The following PIAS1 variants were observed in gnomAD, a reference collection of about 807,000 sequenced individuals.
The protein encoded by PIAS1 is protein inhibitor of activated STAT 1.
PIAS1 carries 6 observed loss-of-function variants against 71.3 expected under a neutral mutation model. That is an observed-to-expected ratio of 0.08 (90% confidence interval 0.05 to 0.17). The LOEUF (loss-of-function observed/expected upper bound fraction) is 0.17. Ranked by LOEUF, PIAS1 falls within the 10% of genes least tolerant of loss-of-function variation. The pLI is 1.00. For synonymous variants in PIAS1, 303 were observed against 292.9 expected (o/e 1.03, Z -0.35); for missense variants, 555 against 793.6 (o/e 0.70, Z 3.61).
At position 68,075,062 on chromosome 15, in the gene PIAS1, T is replaced by TTTTCTTTC. The variant is rs201513005; in HGVS notation, c.25-11232_25-11225dup. Among the ~76,000 whole-genome samples, 10 of 139,084 alleles carry TTTTCTTTC rather than the reference T, an allele frequency of 7.2e-5. 1 individual carries two copies. Among genetic ancestry groups the TTTTCTTTC allele is most frequent in the Middle Eastern group, 4.1e-3 (1 of 246 alleles). The allele number at this position is 139,084 out of a possible 152,430, so 91.2% of individuals were successfully genotyped here. Reference sequence around the variant, plus strand: ...GAATTTTTGAAAGAAAATAAAAACATTTTCTTTCTTTCTTTCTTTTTTTTT... The same window carrying TTTTCTTTC: ...GAATTTTTGAAAGAAAATAAAAACATTTTCTTTCTTTCTTTCTTTCTTTCTTTTTTTTT... On this transcript the variant is annotated intron_variant, in intron 1 of 13. Transcript: ENST00000249636.
At chr15:68,150,705 T>A (rs2092838084) in intron 6 of PIAS1, among the ~76,000 whole-genome samples, 1 of 152,194 alleles carries the variant, frequency 6.6e-6, no homozygotes, top group Non-Finnish European at 1.5e-5. Flanking sequence ...AGAAATTATT[T>A]AGATGTAGGT....
chr15:68,149,145 A>C (rs1035490812), intron 6 of PIAS1, among the ~76,000 whole-genome samples: 1 of 152,048 alleles, frequency 6.6e-6, no homozygotes, highest in African/African-American at 2.4e-5. Flanking sequence ...GATGGAGAAA[A>C]TTATGAATTT....
At chr15:68,077,505 G>T (rs1468027444) in intron 1 of PIAS1, among the ~76,000 whole-genome samples, 1 of 152,230 alleles carries the variant, frequency 6.6e-6, no homozygotes, top group Admixed American at 6.5e-5. Flanking sequence ...ACTTTAAAGG[G>T]AACTTTCAAT....
rs2092284381 is a variant in PIAS1, at chr15:68,086,576, T to C, written c.295T>C (p.Tyr99His). ...TCCATCTACCATTCCACAACTCACT[T>C]ACGATGGTCACCCTGCATCATCGCC... is the stretch of plus-strand genomic sequence containing the variant. Reference protein sequence around the residue: ...LSPSTIPQLTYDGHPASSPLL... With the variant: ...LSPSTIPQLTHDGHPASSPLL... Residue 99 changes from tyrosine to histidine, a missense_variant, in exon 2 of 14, where the codon TAC becomes CAC. Coordinates refer to ENST00000249636, the MANE Select transcript of PIAS1 (RefSeq NM_016166.3). The surrounding 1 kb of genome is among the most constrained non-coding windows in gnomAD (Gnocchi z 7.2). The C allele has an allele frequency of 1.9e-6, 3 of 1,613,950 alleles. No individual in the cohort carries two copies. The highest frequency in any genetic ancestry group is 2.5e-6 in the Non-Finnish European group (3 of 1,179,864).
Position 68,184,234 on chromosome 15 carries a change from G to A in PIAS1, c.1662+567G>A, listed in dbSNP as rs117483368. ...GGAAAAAAATTAAGTGATTAAGGAC[G>A]ATGAAAGTGGAAGATCAGTGATAGT... On this transcript the variant is annotated intron_variant, in intron 13 of 13. Transcript: ENST00000249636. 7.0e-3 allele frequency: 1,062 copies of A among 152,374 alleles called. 7 individuals carry two copies. The highest frequency in any genetic ancestry group is 0.012 in the Non-Finnish European group (822 of 68,124). The allele number at this position is 152,374 out of a possible 1,614,324, so 9.4% of individuals were successfully genotyped here. A position where few individuals can be genotyped will look rare whatever the true frequency, so the allele number is the denominator to read the frequency against.
intron 12 of PIAS1, chr15:68,181,587 C>A: frequency 2.3e-6 from 1 of 425,780 alleles, no homozygotes; most frequent in Non-Finnish European, 4.3e-6. Context: ...GTGCAATAAT[C>A]TTTAGTTTTT....
Position 68,182,490 on chromosome 15 carries a change from C to CGTGTGTGTGTGTGTGTGTGTGTGT in PIAS1, c.1625-1137_1625-1114dup, listed in dbSNP as rs67774530. On this transcript the variant is annotated intron_variant, in intron 12 of 13. Coordinates refer to ENST00000249636, the MANE Select transcript of PIAS1 (RefSeq NM_016166.3). ...AGTTTTGCTCTTATTGCTCAGGCTG[C>CGTGTGTGTGTGTGTGTGTGTGTGT]GTGTGTGTGTGTGTGTGTGTGTGTG... Among the ~76,000 whole-genome samples, 102 of 123,354 alleles carry CGTGTGTGTGTGTGTGTGTGTGTGT rather than the reference C, an allele frequency of 8.3e-4. 9 individuals carry two copies. Among genetic ancestry groups the CGTGTGTGTGTGTGTGTGTGTGTGT allele is most frequent in the Admixed American group, 1.5e-3 (18 of 12,172 alleles). 80.9% of individuals were successfully genotyped at this position (123,354 alleles called of 152,430 possible). A position where few individuals can be genotyped will look rare whatever the true frequency, so the allele number is the denominator to read the frequency against.
At chr15:68,079,979 T>C (rs1000521915) in intron 1 of PIAS1, among the ~76,000 whole-genome samples, 10 of 152,044 alleles carry the variant, frequency 6.6e-5, no homozygotes, top group African/African-American at 2.4e-4. Flanking sequence ...ATTACAGGCA[T>C]GCACCACCAT....
intron 1 of PIAS1, among the ~76,000 whole-genome samples, chr15:68,059,882 G>T (rs2091939220): frequency 6.6e-6 from 1 of 151,914 alleles, no homozygotes; most frequent in Non-Finnish European, 1.5e-5. Context: ...CTCTGTGCTC[G>T]GTTTTTACAG....
intron 2 of PIAS1, among the ~76,000 whole-genome samples, chr15:68,118,307 C>G (rs754707522): frequency 6.9e-6 from 1 of 144,272 alleles, no homozygotes. Context: ...GATGACAGAA[C>G]GAGTGTCTGT....
rs1309287237 is a variant in PIAS1 at position 68,178,616 on chromosome 15, ATT to A, written c.1481+1963_1481+1964del. Among the ~76,000 whole-genome samples, 1 of 152,182 alleles carries A rather than the reference ATT, an allele frequency of 6.6e-6. No homozygotes were observed. Among genetic ancestry groups the A allele is most frequent in the Admixed American group, 6.5e-5 (1 of 15,272 alleles). Reference sequence around the variant, plus strand: ...CAAACCATAGTATGACCAAATACACATTGTCATGTGATTTTTTTAAGTGCCAT... The same window carrying A: ...CAAACCATAGTATGACCAAATACACAGTCATGTGATTTTTTTAAGTGCCAT... On this transcript the variant is annotated intron_variant, in intron 11 of 13. Coordinates refer to ENST00000249636, the MANE Select transcript of PIAS1 (RefSeq NM_016166.3). The surrounding 1 kb of genome is among the most constrained non-coding windows in gnomAD (Gnocchi z 4.2).
chr15:68,086,210 G>A lies in PIAS1; in HGVS notation c.25-96G>A. On this transcript the variant is annotated intron_variant, in intron 1 of 13. Coordinates refer to ENST00000249636, the MANE Select transcript of PIAS1 (RefSeq NM_016166.3). This position sits in a 1 kb window ranked among gnomAD's most constrained non-coding sequence, Gnocchi z 7.2. The stretch of plus-strand genomic sequence containing the variant: ...AGTGAGCTGGCCTTTATTTGCTTAA[G>A]TAAACCATAAGAAGGGGGTTATAAT... The A allele has an allele frequency of 1.2e-6, 1 of 840,314 alleles. No homozygotes were observed. Among genetic ancestry groups the A allele is most frequent in the Non-Finnish European group, 1.8e-6 (1 of 552,656 alleles). 52.1% of individuals were successfully genotyped at this position (840,314 alleles called of 1,614,324 possible).
intron 7 of PIAS1, among the ~76,000 whole-genome samples, chr15:68,155,474 C>CAAAAAAAAAAAAAAAAA (rs2092882676): frequency 9.6e-6 from 1 of 104,024 alleles, no homozygotes; most frequent in Non-Finnish European, 2.1e-5. Flanking sequence ...AAAAAAAAAC[C>CAAAAAAAAAAAAAAAAA]AAAAACTTTC....
At chr15:68,120,364 GTATT>G (rs1398656733) in intron 2 of PIAS1, among the ~76,000 whole-genome samples, 1 of 151,244 alleles carries the variant, frequency 6.6e-6, no homozygotes, top group African/African-American at 2.4e-5. Context: ...TACCATCTTG[GTATT>G]TATTTTCTTT....
intron 13 of PIAS1, chr15:68,184,118 A>G (rs752076476): frequency 6.5e-6 from 1 of 152,886 alleles, no homozygotes; most frequent in Non-Finnish European, 1.5e-5. Context: ...GCTTGATGAA[A>G]ATCTTGTCTT....
chr15:68,147,518 A>G (rs757579712), intron 6 of PIAS1, among the ~76,000 whole-genome samples: 22 of 152,040 alleles, frequency 1.4e-4, no homozygotes, highest in Non-Finnish European at 2.1e-4. Flanking sequence ...TTTTTATGTT[A>G]TTTAATATGC....
intron 2 of PIAS1, among the ~76,000 whole-genome samples, chr15:68,103,702 G>A (rs1049457708): frequency 6.6e-5 from 10 of 152,100 alleles, no homozygotes; most frequent in Non-Finnish European, 1.2e-4. Flanking sequence ...GAATGGAATC[G>A]TATGGTATAT....
rs2092669197 is a variant in PIAS1, at chr15:68,128,646, A to G, written c.470-13300A>G. On this transcript the variant is annotated intron_variant, in intron 2 of 13. Coordinates refer to ENST00000249636, the MANE Select transcript of PIAS1 (RefSeq NM_016166.3). The stretch of plus-strand genomic sequence containing the variant: ...AAAAATATGACTGTTTTTTATTAGA[A>G]CATCATCTGTTAAAACATTCCAGAT... Among the ~76,000 whole-genome samples the G allele has an allele frequency of 2.0e-5, 3 of 152,342 alleles. No individual in the cohort carries two copies. In the East Asian group the frequency reaches 5.8e-4, roughly 29 times the overall value.
At chr15:68,123,385 TAC>T (rs1198235837) in intron 2 of PIAS1, among the ~76,000 whole-genome samples, 3 of 152,178 alleles carry the variant, frequency 2.0e-5, no homozygotes, top group African/African-American at 7.2e-5. Context: ...CATACCCTCT[TAC>T]ACACAGAGAC....
Sources: gnomAD v4.1 joint callset for allele counts (sites outside exome capture counted in the v4.1 genomes callset) on GRCh38, gnomAD v4.1.1 for gene constraint, Gnocchi (gnomAD v3.1) non-coding constraint, MANE v1.5 for transcripts, NCBI Gene and HGNC (gene_info 2026-07-23, HGNC 2026-07-21) for gene names.